The following ADAM18 variants were observed in gnomAD, a reference collection of about 807,000 sequenced individuals.
The protein encoded by ADAM18 is ADAM metallopeptidase domain 18, also known as disintegrin and metalloproteinase domain-containing protein 18.
A neutral mutation model predicts 94.4 loss-of-function variants in ADAM18; 117 were observed. The ratio of observed to expected loss-of-function variants is 1.24; its 90% CI spans 1.07 to 1.45. ADAM18 has a LOEUF of 1.45. ADAM18 is among the 40% of genes most tolerant of loss of function. ADAM18 has a pLI of 0.00. For missense variants in ADAM18, 936 were observed against 880.0 expected, an observed-to-expected ratio of 1.06 and a Z score of -0.81; for synonymous variants, 327 against 291.6, an observed-to-expected ratio of 1.12 and a Z score of -1.24.
chr8:39,610,790 G>T, intron 6 of ADAM18, 84 bp downstream of exon 6: 1 of 1,467,106 alleles, frequency 6.8e-7, no homozygotes, highest in Non-Finnish European at 9.1e-7. Flanking sequence ...AATTTAGTTA[G>T]CTGTTGAGTA....
chr8:39,725,377 C>A (rs1473157003), intron 19 of ADAM18, among the ~76,000 whole-genome samples: 1 of 151,988 alleles, frequency 6.6e-6, no homozygotes, highest in East Asian at 1.9e-4. Flanking sequence ...ACCCTCTTAG[C>A]AAATATCAAG....
intron 10 of ADAM18, among the ~76,000 whole-genome samples, chr8:39,640,497 A>G (rs1229672630): frequency 1.3e-5 from 2 of 152,084 alleles, no homozygotes; most frequent in Non-Finnish European, 2.9e-5. Flanking sequence ...AAATGTGTGC[A>G]TGTGTCTTTA....
chr8:39,638,430 C>T (rs1046792625), intron 9 of ADAM18, 35 bp from the exon 10 acceptor site: 3 of 1,389,082 alleles, frequency 2.2e-6, no homozygotes, highest in Non-Finnish European at 2.9e-6. Flanking sequence ...AATTGTTTTG[C>T]ATAACTACGT....
chr8:39,729,604 A>C (rs953228701), intron 19 of ADAM18, among the ~76,000 whole-genome samples: 2 of 152,100 alleles, frequency 1.3e-5, no homozygotes, highest in African/African-American at 4.8e-5. Context: ...TTGCCTGGTA[A>C]ATTATAAATC....
chr8:39,597,064 G>C (rs1442093729), intron 2 of ADAM18, among the ~76,000 whole-genome samples: 1 of 152,030 alleles, frequency 6.6e-6, no homozygotes. Flanking sequence ...TGTCTTATTT[G>C]CTTGACATAT....
At chr8:39,625,011 C>CT (rs765051237) in intron 6 of ADAM18, among the ~76,000 whole-genome samples, 18 of 152,148 alleles carry the variant, frequency 1.2e-4, no homozygotes, top group Non-Finnish European at 1.8e-4. Flanking sequence ...AATAAAATTG[C>CT]TTTGGCTATT....
chr8:39,658,446 C>T (rs1820744595), intron 12 of ADAM18, among the ~76,000 whole-genome samples: 1 of 151,968 alleles, frequency 6.6e-6, no homozygotes, highest in Non-Finnish European at 1.5e-5. Flanking sequence ...ATTTGACTTC[C>T]CTTTACTGGC....
chr8:39,603,208 C>T (rs1166998304), intron 2 of ADAM18, among the ~76,000 whole-genome samples: 1 of 152,070 alleles, frequency 6.6e-6, no homozygotes, highest in Non-Finnish European at 1.5e-5. Flanking sequence ...TTTTCTATTC[C>T]ATTTTTCTGT....
intron 2 of ADAM18, among the ~76,000 whole-genome samples, chr8:39,594,666 A>T (rs1305361194): frequency 6.6e-6 from 1 of 150,854 alleles, no homozygotes; most frequent in East Asian, 1.9e-4. Context: ...ATGTCTTCTT[A>T]TGAGAAATTT....
chr8:39,625,131 G>A (rs1272080765), intron 6 of ADAM18, among the ~76,000 whole-genome samples: 1 of 152,152 alleles, frequency 6.6e-6, no homozygotes, highest in African/African-American at 2.4e-5. Flanking sequence ...ATTGCTTTCG[G>A]CAGTATGGTA....
chr8:39,637,604 T>C lies in ADAM18; in HGVS notation c.728T>C (p.Ile243Thr), dbSNP rs772364556. Residue 243 changes from isoleucine (I) to threonine (T), a missense_variant, in exon 9 of 20, where the codon ATT (isoleucine) becomes ACT (threonine). By Grantham distance (89) the Ile-to-Thr change is moderately conservative. Coordinates refer to ENST00000265707, the MANE Select transcript of ADAM18 (RefSeq NM_014237.3). ...SLELWSNENQ[I>T]STSGDADDIL... Reference sequence around the variant, plus strand: ...GAATTGTGGTCAAATGAAAACCAGATTTCCACCAGTGGGGATGCTGATGAT... The same window carrying C: ...GAATTGTGGTCAAATGAAAACCAGACTTCCACCAGTGGGGATGCTGATGAT... The C allele has an allele frequency of 8.2e-5, 133 of 1,612,816 alleles. No homozygotes were observed. Among genetic ancestry groups the C allele is most frequent in the Non-Finnish European group, 1.1e-4 (129 of 1,179,364 alleles).
intron 12 of ADAM18, among the ~76,000 whole-genome samples, chr8:39,660,811 C>T (rs1820813656): frequency 6.6e-6 from 1 of 152,090 alleles, no homozygotes; most frequent in East Asian, 1.9e-4. Flanking sequence ...TCAATAATAG[C>T]AAATGCAAAC....
chr8:39,597,129 G>A (rs1242624273), intron 2 of ADAM18, among the ~76,000 whole-genome samples: 2 of 152,038 alleles, frequency 1.3e-5, no homozygotes, highest in Non-Finnish European at 2.9e-5. Context: ...AAGTCTGACT[G>A]TTCATTTTAT....
intron 7 of ADAM18, among the ~76,000 whole-genome samples, chr8:39,635,248 G>T (rs542669301): frequency 6.6e-6 from 1 of 152,232 alleles, no homozygotes; most frequent in East Asian, 1.9e-4. Flanking sequence ...AGGGCAAATG[G>T]ACTAAGGCAT....
At chr8:39,678,703 A>C (rs553419739) in intron 15 of ADAM18, among the ~76,000 whole-genome samples, 2 of 152,142 alleles carry the variant, frequency 1.3e-5, no homozygotes, top group Admixed American at 1.3e-4. Flanking sequence ...AAGATTATTC[A>C]TGAAAAAAAG....
intron 12 of ADAM18, among the ~76,000 whole-genome samples, chr8:39,663,359 C>T (rs1271189883): frequency 7.1e-6 from 1 of 140,634 alleles, no homozygotes; most frequent in Non-Finnish European, 1.5e-5. Context: ...GAGGCTGAGG[C>T]AGGAGGATCA....
Position 39,677,452 on chromosome 8 carries a change from C to G in ADAM18, c.1547C>G (p.Ala516Gly). The G allele has an allele frequency of 6.2e-7, 1 of 1,607,704 alleles. No individual in the cohort carries two copies. Reference protein sequence around the residue: ...FGKGAQGAPFACFKEVNSLHE... With the variant: ...FGKGAQGAPFGCFKEVNSLHE... ...TAAGGTGCTCAAGGTGCTCCATTTG[C>G]CTGTTTTAAAGAAGTTAATTCTCTG... Residue 516 changes from alanine to glycine, a missense_variant, in exon 15 of 20, where the codon GCC (alanine) becomes GGC (glycine). By Grantham distance (60) the Ala-to-Gly change is moderately conservative (BLOSUM62 0). Coordinates refer to ENST00000265707, the MANE Select transcript of ADAM18 (RefSeq NM_014237.3).
intron 17 of ADAM18, among the ~76,000 whole-genome samples, chr8:39,694,492 A>G (rs773039452): frequency 1.3e-5 from 2 of 151,442 alleles, no homozygotes; most frequent in Non-Finnish European, 3.0e-5. Context: ...TTTCTATCTT[A>G]TGGATTTGAT....
At chr8:39,685,906 C>G (rs1195682201) in intron 16 of ADAM18, among the ~76,000 whole-genome samples, 1 of 152,136 alleles carries the variant, frequency 6.6e-6, no homozygotes, top group Non-Finnish European at 1.5e-5. Context: ...TTCTTTGACA[C>G]TTTATAACAA....
Sources: allele counts gnomAD v4.1 joint callset (sites outside exome capture counted in the v4.1 genomes callset), GRCh38; gene constraint gnomAD v4.1.1; transcripts MANE v1.5; gene names NCBI Gene and HGNC (gene_info 2026-07-23, HGNC 2026-07-21).